The following USH2A variants were observed in gnomAD, a reference collection of about 807,000 sequenced individuals.
USH2A encodes Usher syndrome 2A (autosomal recessive, mild).
USH2A carries 443 observed loss-of-function variants against 538.9 expected under a neutral mutation model. That is an observed-to-expected ratio of 0.82 (90% confidence interval 0.76 to 0.89). The LOEUF (loss-of-function observed/expected upper bound fraction) is 0.89. Ranked by LOEUF, USH2A falls within the 40% of genes least tolerant of loss-of-function variation. The pLI, the probability that USH2A is intolerant of heterozygous loss-of-function variation, is 0.00. For synonymous variants in USH2A, 2,413 were observed against 2,273.5 expected (o/e 1.06, Z -1.75); for missense variants, 6,633 against 6,324.8 (o/e 1.05, Z -1.65).
At chr1:216,087,413 T>C (rs545410481) in intron 23 of USH2A, among the ~76,000 whole-genome samples, 61 of 152,232 alleles carry the variant, frequency 4.0e-4, no homozygotes, top group African/African-American at 1.5e-3. Context: ...GAACTTTGAA[T>C]GTCTCTCCCC....
Position 215,816,996 on chromosome 1 carries a change from C to T in USH2A, c.9570+1G>A, listed in dbSNP as rs760225886. The T allele has an allele frequency of 6.2e-6, 10 of 1,612,094 alleles. No individual in the cohort carries two copies. The East Asian group carries it at 2.2e-4, about 36-fold the overall frequency. On this transcript the variant is annotated splice_donor_variant, in intron 48 of 71. Transcript: ENST00000307340. LOFTEE classifies it high-confidence loss of function. ...TCACTGATTAGTTAGAAAAGACTTA[C>T]CTTAGCTTCAGAAGAATAGCAAATG...
chr1:215,816,953 G>A (rs1662874500), intron 48 of USH2A, 44 bp downstream of exon 48: 1 of 1,592,702 alleles, frequency 6.3e-7, no homozygotes, highest in African/African-American at 1.3e-5. Context: ...TTGGAGTCTT[G>A]AGTGAGAAAA....
At chr1:215,763,356 T>C (rs17025383) in intron 56 of USH2A, among the ~76,000 whole-genome samples, 15,120 of 151,930 alleles carry the variant, frequency 0.1, 1,020 homozygotes, top group East Asian at 0.36. Context: ...GAAGTGGAGA[T>C]GGGTAGGAAG....
At chr1:216,085,479 A>G (rs1039029785) in intron 24 of USH2A, among the ~76,000 whole-genome samples, 16 of 152,160 alleles carry the variant, frequency 1.1e-4, no homozygotes, top group African/African-American at 3.9e-4. Context: ...CAAGAGGAGG[A>G]GAAGGTGCAC....
chr1:215,671,154 G>C lies in USH2A; in HGVS notation c.13951C>G (p.Pro4651Ala), dbSNP rs548761125. ...CCTGTCCACAAAAGAGAAACAGTTG[G>C]CTGGAATCCTCCTGGAGCCATTTGT... is the stretch of plus-strand genomic sequence containing the variant. ...EVQMAPGGFQPTVSLLWTGPL... is the reference protein window; with the variant it reads ...EVQMAPGGFQATVSLLWTGPL... The change falls in exon 64 of 72, where the codon CCA becomes GCA. Residue 4651 changes from proline to alanine, a missense_variant. By Grantham distance (27) the Pro-to-Ala change is conservative (BLOSUM62 -1). Transcript: ENST00000307340. The C allele has an allele frequency of 1.6e-5, 26 of 1,614,090 alleles. No individual in the cohort carries two copies. In the East Asian group the frequency reaches 2.2e-4, roughly 14 times the overall value.
chr1:215,650,492 T>A (rs2102644627), intron 65 of USH2A, 100 bp downstream of exon 65: 1 of 1,396,240 alleles, frequency 7.2e-7, no homozygotes, highest in East Asian at 2.4e-5. Flanking sequence ...AACAGAAGGA[T>A]AAGAAAGATG....
chr1:216,104,287 A>G (rs187938030), intron 21 of USH2A, among the ~76,000 whole-genome samples: 5 of 151,424 alleles, frequency 3.3e-5, no homozygotes, highest in African/African-American at 9.7e-5. Flanking sequence ...TCATTGTTCA[A>G]TTCCCACCTA....
chr1:216,372,342 T>C (rs768072186), intron 3 of USH2A, among the ~76,000 whole-genome samples: 2 of 152,078 alleles, frequency 1.3e-5, no homozygotes, highest in Non-Finnish European at 2.9e-5. Flanking sequence ...AACCAACATA[T>C]ACACTCACTT....
chr1:215,746,889 G>C (rs1660488518), intron 58 of USH2A, among the ~76,000 whole-genome samples: 1 of 152,108 alleles, frequency 6.6e-6, no homozygotes, highest in Non-Finnish European at 1.5e-5. Context: ...GGAAACACAG[G>C]ATTTCCCTGT....
intron 43 of USH2A, among the ~76,000 whole-genome samples, chr1:215,872,839 C>T (rs1337145215): frequency 2.0e-5 from 3 of 151,874 alleles, no homozygotes; most frequent in Non-Finnish European, 1.5e-5. Context: ...TGTTTAAGAG[C>T]ATGGCATTCC....
intron 56 of USH2A, among the ~76,000 whole-genome samples, chr1:215,762,617 T>A (rs1661011118): frequency 6.6e-6 from 1 of 152,186 alleles, no homozygotes; most frequent in Admixed American, 6.5e-5. Flanking sequence ...CATCGTTATC[T>A]TGGCAGCTGC....
chr1:216,310,505 T>C (rs982792492), intron 9 of USH2A, among the ~76,000 whole-genome samples: 2 of 152,290 alleles, frequency 1.3e-5, no homozygotes, highest in South Asian at 2.1e-4. Context: ...TAATTTTCTA[T>C]ATATTGTAGG....
chr1:215,628,812 A>G lies in USH2A; in HGVS notation c.15519+2T>C. The G allele has an allele frequency of 6.2e-7, 1 of 1,614,026 alleles. No homozygotes were observed. The highest frequency in any genetic ancestry group is 8.5e-7 in the Non-Finnish European group (1 of 1,179,924). On this transcript the variant is annotated splice_donor_variant, in intron 71 of 71. Coordinates refer to ENST00000307340, the MANE Select transcript of USH2A (RefSeq NM_206933.4). LOFTEE classifies it high-confidence loss of function. The stretch of plus-strand genomic sequence containing the variant: ...AGGCCCTGTATGAGGAAACCAACTC[A>G]CCAGTCCACTGTTGTGGCCCATGAT...
rs779081953 is a variant in USH2A, at chr1:216,089,023, C to A, written c.4875G>T (p.Gly1625=). The A allele has an allele frequency of 4.6e-5, 74 of 1,613,216 alleles. 1 individual carries two copies. The South Asian group carries it at 7.9e-4, about 17-fold the overall frequency. Residue 1625 remains glycine, a synonymous_variant, in exon 23 of 72, where the codon GGG becomes GGT. Transcript: ENST00000307340. ...HQAFGQITLD[G]IYTGSSAILN... is the part of the protein sequence containing the mutation. ...TCAAAAAGTACTTACCTGTATATAT[C>A]CCATCCAGAGTGATTTGGCCAAAAG...
intron 21 of USH2A, among the ~76,000 whole-genome samples, chr1:216,142,882 C>T (rs951342780): frequency 6.6e-6 from 1 of 151,932 alleles, no homozygotes; most frequent in Non-Finnish European, 1.5e-5. Flanking sequence ...ACCTGAATTT[C>T]CCCCCACGTG....
At chr1:215,676,169 A>G (rs905980181) in intron 62 of USH2A, among the ~76,000 whole-genome samples, 1 of 152,070 alleles carries the variant, frequency 6.6e-6, no homozygotes, top group African/African-American at 2.4e-5. Flanking sequence ...AAATATCCAT[A>G]CATATATATA....
chr1:215,853,072 G>A (rs904824830), intron 44 of USH2A, among the ~76,000 whole-genome samples: 21 of 152,154 alleles, frequency 1.4e-4, no homozygotes, highest in Non-Finnish European at 2.1e-4. Context: ...TCCCTTTTGT[G>A]CTGCCCCAAC....
intron 11 of USH2A, among the ~76,000 whole-genome samples, chr1:216,285,246 C>A (rs865804518): frequency 3.8e-4 from 58 of 152,218 alleles, no homozygotes; most frequent in African/African-American, 1.4e-3. Flanking sequence ...GGCCCCCCCA[C>A]TGTGTGCAGT....
chr1:215,819,838 AT>A (rs1662963177), intron 47 of USH2A, among the ~76,000 whole-genome samples: 1 of 151,812 alleles, frequency 6.6e-6, no homozygotes, highest in African/African-American at 2.4e-5. Flanking sequence ...AAGGAAAATG[AT>A]TAAGAAGAGT....
Sources: allele counts gnomAD v4.1 joint callset (sites outside exome capture counted in the v4.1 genomes callset), GRCh38; gene constraint gnomAD v4.1.1; transcripts MANE v1.5; gene names NCBI Gene and HGNC (gene_info 2026-07-23, HGNC 2026-07-21).